The following PRKG1 variants were observed in gnomAD, a reference collection of about 807,000 sequenced individuals.
PRKG1 encodes the protein cGMP-dependent protein kinase 1.
In PRKG1, 35 loss-of-function variants were observed where a neutral mutation model predicts 88.1. That is an observed-to-expected ratio of 0.40 (90% confidence interval 0.30 to 0.53). The LOEUF is 0.53. Among genes scored for constraint, PRKG1 ranks in the 20% least tolerant of loss-of-function variants. The probability of loss-of-function intolerance (pLI) is 0.59; values close to 1 mark genes in which losing one functional copy is unlikely to be tolerated. For missense variants in PRKG1, 540 were observed against 839.8 expected, an observed-to-expected ratio of 0.64 and a Z score of 4.41; for synonymous variants, 303 against 292.5, an observed-to-expected ratio of 1.04 and a Z score of -0.37.
At chr10:51,509,845 A>G (rs552753756) in intron 3 of PRKG1, among the ~76,000 whole-genome samples, 29 of 152,352 alleles carry the variant, frequency 1.9e-4, no homozygotes, top group Middle Eastern at 6.8e-3. Context: ...TTAAAGTCCA[A>G]GTGTGGATAT....
At chr10:51,670,751 AATAAATAAATAAAT>A (rs1564599554) in intron 3 of PRKG1, among the ~76,000 whole-genome samples, 5 of 98,382 alleles carry the variant, frequency 5.1e-5, no homozygotes, top group Non-Finnish European at 9.5e-5. Flanking sequence ...AAAATAAATA[AATAAATAAATAAAT>A]AAATAAATAA....
chr10:51,312,804 G>T (rs1438228712), intron 2 of PRKG1, among the ~76,000 whole-genome samples: 1 of 151,988 alleles, frequency 6.6e-6, no homozygotes, highest in Non-Finnish European at 1.5e-5. Context: ...AAGTAGTGGG[G>T]TACACAATTT....
intron 4 of PRKG1, among the ~76,000 whole-genome samples, chr10:51,836,744 A>G (rs1156379529): frequency 6.6e-6 from 1 of 152,208 alleles, no homozygotes; most frequent in Non-Finnish European, 1.5e-5. Flanking sequence ...AAATAAACAG[A>G]AGATGTGAAT....
chr10:52,073,223 C>CCACCCTGATCCAGTAT (rs1410147279), intron 7 of PRKG1, among the ~76,000 whole-genome samples: 5 of 152,140 alleles, frequency 3.3e-5, no homozygotes. Context: ...AATGGAGGGC[C>CCACCCTGATCCAGTAT]CACCCTGATC....
intron 2 of PRKG1, among the ~76,000 whole-genome samples, chr10:51,206,011 A>G (rs1838049845): frequency 6.6e-6 from 1 of 152,222 alleles, no homozygotes; most frequent in African/African-American, 2.4e-5. Context: ...ATGAAATTAC[A>G]TTCATAATTT....
intron 7 of PRKG1, among the ~76,000 whole-genome samples, chr10:52,110,602 C>CT (rs1009157667): frequency 7.6e-4 from 116 of 152,198 alleles, no homozygotes; most frequent in Middle Eastern, 6.8e-3. Flanking sequence ...ATACCACACT[C>CT]TTTTCTGGGA....
At chr10:51,556,538 A>G (rs1312203156) in intron 3 of PRKG1, among the ~76,000 whole-genome samples, 1 of 152,002 alleles carries the variant, frequency 6.6e-6, no homozygotes, top group East Asian at 1.9e-4. Flanking sequence ...TACATCACAG[A>G]ATACTATATA....
intron 1 of PRKG1, among the ~76,000 whole-genome samples, chr10:51,021,831 C>A (rs1033185072): frequency 6.6e-6 from 1 of 152,098 alleles, no homozygotes; most frequent in African/African-American, 2.4e-5. Context: ...CAGGCGCCTG[C>A]CACCACACCT....
At chr10:51,623,571 A>G (rs1313356658) in intron 3 of PRKG1, among the ~76,000 whole-genome samples, 1 of 152,092 alleles carries the variant, frequency 6.6e-6, no homozygotes, top group Admixed American at 6.5e-5. Flanking sequence ...AGCTTGGTAC[A>G]GGTTATGTTA....
At chr10:51,014,322 T>TC (rs1187925866) in intron 1 of PRKG1, among the ~76,000 whole-genome samples, 17 of 151,484 alleles carry the variant, frequency 1.1e-4, no homozygotes, top group South Asian at 4.2e-4. Context: ...CATTCTCTTT[T>TC]TTTTTTTTTT....
chr10:51,621,851 C>T (rs1839219626), intron 3 of PRKG1, among the ~76,000 whole-genome samples: 1 of 152,166 alleles, frequency 6.6e-6, no homozygotes, highest in South Asian at 2.1e-4. Flanking sequence ...ACTTGTTTCT[C>T]CTTTTGCAGT....
intron 3 of PRKG1, among the ~76,000 whole-genome samples, chr10:51,710,836 G>A (rs568357488): frequency 5.9e-5 from 9 of 151,280 alleles, no homozygotes; most frequent in African/African-American, 9.7e-5. Context: ...GTCCTGTTTT[G>A]GGGGGGGCGG....
chr10:52,148,248 C>T lies in PRKG1; in HGVS notation c.1002-13641C>T, dbSNP rs146068199. Among the ~76,000 whole-genome samples, 282 of 152,190 alleles carry T rather than the reference C, an allele frequency of 1.9e-3. 3 individuals carry two copies. The highest frequency in any genetic ancestry group is 6.8e-3 in the Middle Eastern group (2 of 294). On this transcript the variant is annotated intron_variant, in intron 8 of 17. Coordinates refer to ENST00000373980, the MANE Select transcript of PRKG1 (RefSeq NM_006258.4). ...TTTTTTGTTGTCACAACTGGGTTTG[C>T]TACTGTTATCTTAGTGGGCAGGGTT... is the stretch of plus-strand genomic sequence containing the variant.
chr10:51,790,380 G>A (rs1400553279), intron 3 of PRKG1, among the ~76,000 whole-genome samples: 1 of 152,046 alleles, frequency 6.6e-6, no homozygotes, highest in Non-Finnish European at 1.5e-5. Context: ...TATATTTTAG[G>A]TGTCAGGTGC....
intron 8 of PRKG1, among the ~76,000 whole-genome samples, chr10:52,142,087 T>C (rs901747908): frequency 2.0e-5 from 3 of 152,178 alleles, no homozygotes; most frequent in African/African-American, 7.2e-5. Flanking sequence ...GCATTTGTTA[T>C]ATCTCAGGAT....
chr10:51,372,963 C>T (rs1842734289), intron 2 of PRKG1, among the ~76,000 whole-genome samples: 2 of 151,978 alleles, frequency 1.3e-5, no homozygotes, highest in African/African-American at 2.4e-5. Context: ...AACTTATGTT[C>T]GTGACAGAGA....
At position 52,282,191 on chromosome 10, in the gene PRKG1, G is replaced by A. The variant is rs745426696; in HGVS notation, c.1584G>A (p.Lys528=). Residue 528 remains lysine (K), a synonymous_variant, in exon 14 of 18, where the codon AAG becomes AAA. Coordinates refer to ENST00000373980, the MANE Select transcript of PRKG1 (RefSeq NM_006258.4). ...FGFAKKIGFG[K]KTWTFCGTPE... ...TTGCAAAGAAAATAGGATTTGGAAA[G>A]AAAACATGGACTTTTTGTGGGACTC... 3.0e-5 allele frequency: 48 copies of A among 1,606,936 alleles called. No individual in the cohort carries two copies. The South Asian group carries it at 5.2e-4, about 18-fold the overall frequency.
intron 3 of PRKG1, among the ~76,000 whole-genome samples, chr10:51,639,338 G>A (rs1839736054): frequency 6.7e-6 from 1 of 150,210 alleles, no homozygotes; most frequent in South Asian, 2.1e-4. Context: ...GGAGGCTGAG[G>A]CAGGAGAATG....
At chr10:51,054,375 A>G (rs1589125353) in intron 1 of PRKG1, among the ~76,000 whole-genome samples, 1 of 152,214 alleles carries the variant, frequency 6.6e-6, no homozygotes, top group East Asian at 1.9e-4. Context: ...ACTTTTTAAA[A>G]GTTCAACACT....
Sources: gnomAD v4.1 joint callset for allele counts (sites outside exome capture counted in the v4.1 genomes callset) on GRCh38, gnomAD v4.1.1 for gene constraint, MANE v1.5 for transcripts, NCBI Gene and HGNC (gene_info 2026-07-23, HGNC 2026-07-21) for gene names.